NRXN3: variants seen among roughly 807,000 people sequenced by gnomAD.
NRXN3 encodes the protein neurexin 3.
NRXN3 carries 32 observed loss-of-function variants against 137.6 expected under a neutral mutation model. The ratio of observed to expected loss-of-function variants is 0.23; its 90% CI spans 0.18 to 0.31. NRXN3 has a LOEUF of 0.31. NRXN3 is among the 10% of genes least tolerant of loss of function. NRXN3 has a pLI of 1.00. For synonymous variants in NRXN3, 798 were observed against 784.5 expected (o/e 1.02, Z -0.29); for missense variants, 1,574 against 2,062.5 (o/e 0.76, Z 4.59).
chr14:78,298,016 T>G lies in NRXN3; in HGVS notation c.757+156T>G, dbSNP rs1005512123. ...CTGCAGGACCACCCTGCAGTGGGGGTGGGGGCACCTTCCTTGATGCATCGT... is the reference window on the plus strand; with the variant it reads ...CTGCAGGACCACCCTGCAGTGGGGGGGGGGGCACCTTCCTTGATGCATCGT... On this transcript the variant is annotated intron_variant, in intron 4 of 20. Coordinates refer to ENST00000335750, the MANE Select transcript of NRXN3 (RefSeq NM_001330195.2). The G allele has an allele frequency of 1.1e-5, 8 of 739,188 alleles. No individual in the cohort carries two copies. The Admixed American group carries it at 1.7e-4, about 16-fold the overall frequency. 45.8% of individuals were successfully genotyped at this position (739,188 alleles called of 1,614,324 possible).
chr14:79,051,571 C>T (rs1301612185), intron 15 of NRXN3, among the ~76,000 whole-genome samples: 2 of 152,116 alleles, frequency 1.3e-5, no homozygotes, highest in African/African-American at 4.8e-5. Flanking sequence ...CTTGGAGAAA[C>T]ATTTATGCTT....
chr14:79,257,575 T>C (rs1268415171), intron 15 of NRXN3, among the ~76,000 whole-genome samples: 2 of 127,624 alleles, frequency 1.6e-5, no homozygotes, highest in Non-Finnish European at 1.7e-5. Flanking sequence ...GTGGTGGTGG[T>C]GGTGATGGTA....
chr14:79,418,809 G>A (rs1848732528), intron 15 of NRXN3, among the ~76,000 whole-genome samples: 2 of 152,158 alleles, frequency 1.3e-5, no homozygotes, highest in African/African-American at 4.8e-5. Context: ...TAAACAGCAG[G>A]TGACAGTAAA....
chr14:78,713,206 G>A (rs2098417422), intron 7 of NRXN3, among the ~76,000 whole-genome samples: 1 of 152,122 alleles, frequency 6.6e-6, no homozygotes, highest in African/African-American at 2.4e-5. Flanking sequence ...AGCTTGTGGG[G>A]TTTCATCTTC....
intron 16 of NRXN3, among the ~76,000 whole-genome samples, chr14:79,619,287 G>T (rs149648479): frequency 1.3e-5 from 2 of 152,090 alleles, no homozygotes; most frequent in Non-Finnish European, 2.9e-5. Flanking sequence ...CAAGGCCAAC[G>T]TTCTAAATGG....
intron 15 of NRXN3, among the ~76,000 whole-genome samples, chr14:79,414,774 A>G (rs970581378): frequency 1.3e-5 from 2 of 152,112 alleles, no homozygotes; most frequent in African/African-American, 4.8e-5. Flanking sequence ...CATTATCATT[A>G]ACTGTAGTCT....
chr14:78,706,889 G>GGT (rs2098357372), intron 6 of NRXN3, among the ~76,000 whole-genome samples: 1 of 151,986 alleles, frequency 6.6e-6, no homozygotes, highest in Non-Finnish European at 1.5e-5. Flanking sequence ...TGAGAGATGG[G>GGT]AACTAATTCT....
chr14:78,234,083 C>T (rs1466360329), intron 1 of NRXN3, among the ~76,000 whole-genome samples: 1 of 152,198 alleles, frequency 6.6e-6, no homozygotes, highest in Non-Finnish European at 1.5e-5. Context: ...AGTTCCCCTG[C>T]ACAAGGTTTC....
At chr14:78,398,545 G>A (rs551557625) in intron 4 of NRXN3, among the ~76,000 whole-genome samples, 130 of 152,152 alleles carry the variant, frequency 8.5e-4, no homozygotes, top group Admixed American at 1.8e-3. Context: ...GTTGGGCAGA[G>A]TTTGGAGGTC....
At chr14:79,482,451 T>A (rs1480918338) in intron 16 of NRXN3, among the ~76,000 whole-genome samples, 1 of 152,206 alleles carries the variant, frequency 6.6e-6, no homozygotes, top group Non-Finnish European at 1.5e-5. Flanking sequence ...GCTCTCTCGC[T>A]ATCTGGTTCT....
chr14:78,952,321 G>A (rs1258676936), intron 10 of NRXN3, among the ~76,000 whole-genome samples: 2 of 152,084 alleles, frequency 1.3e-5, no homozygotes, highest in African/African-American at 4.8e-5. Context: ...AATCTCTGTT[G>A]GGTTAGACAC....
At chr14:78,666,124 A>G (rs1337302347) in intron 6 of NRXN3, among the ~76,000 whole-genome samples, 1 of 152,194 alleles carries the variant, frequency 6.6e-6, no homozygotes, top group Non-Finnish European at 1.5e-5. Context: ...AAAAACACAT[A>G]TCCCAAAATC....
At chr14:79,542,858 G>GA (rs2097286496) in intron 16 of NRXN3, among the ~76,000 whole-genome samples, 1 of 149,814 alleles carries the variant, frequency 6.7e-6, no homozygotes, top group Non-Finnish European at 1.5e-5. Context: ...AGGCTTCTCT[G>GA]AAAAAAAGTG....
rs1489994765 is a variant in NRXN3, at chr14:79,484,335, G to A, written c.3444+16933G>A. ...CCTGGTTCCTGATCTTAGAGTACAG[G>A]GTGCTTCTTGCCTTCCCCTTGTCAA... On this transcript the variant is annotated intron_variant, in intron 16 of 20. Coordinates refer to ENST00000335750, the MANE Select transcript of NRXN3 (RefSeq NM_001330195.2). Among the ~76,000 whole-genome samples, 5 of 152,120 alleles carry A rather than the reference G, an allele frequency of 3.3e-5. No homozygotes were observed. In the East Asian group the frequency reaches 5.8e-4, roughly 18 times the overall value.
rs369570062 is a variant in NRXN3, at chr14:79,462,244, A to G, written c.3263-4977A>G. ...CAAAATTAGCCAGGTGTGGTGGTGC[A>G]TGCCTGTAATCCCAGCTACTTGGGA... is the stretch of plus-strand genomic sequence containing the variant. On this transcript the variant is annotated intron_variant, in intron 15 of 20. Transcript: ENST00000335750. Among the ~76,000 whole-genome samples the G allele has an allele frequency of 4.8e-4, 73 of 152,058 alleles. No homozygotes were observed. The East Asian group carries it at 0.013, about 26-fold the overall frequency.
At chr14:78,985,620 A>G (rs2099501392) in intron 14 of NRXN3, among the ~76,000 whole-genome samples, 1 of 152,232 alleles carries the variant, frequency 6.6e-6, no homozygotes, top group South Asian at 2.1e-4. Context: ...CAACATTCAA[A>G]GAATTATTGT....
chr14:79,378,378 C>T (rs1164760517), intron 15 of NRXN3, among the ~76,000 whole-genome samples: 1 of 152,142 alleles, frequency 6.6e-6, no homozygotes, highest in Non-Finnish European at 1.5e-5. Flanking sequence ...TAGGGATGAC[C>T]ACCGTGGGAT....
intron 10 of NRXN3, among the ~76,000 whole-genome samples, chr14:78,819,955 A>T (rs1021503022): frequency 6.6e-6 from 1 of 152,094 alleles, no homozygotes; most frequent in Non-Finnish European, 1.5e-5. Context: ...TGCTATTTGC[A>T]TTCCCTCAGT....
chr14:79,361,710 A>G (rs2093687933), intron 15 of NRXN3, among the ~76,000 whole-genome samples: 2 of 152,094 alleles, frequency 1.3e-5, no homozygotes, highest in Non-Finnish European at 2.9e-5. Flanking sequence ...GGCTAAATAG[A>G]ATGAAAAAGG....
Sources: gnomAD v4.1 joint callset for allele counts (sites outside exome capture counted in the v4.1 genomes callset) on GRCh38, gnomAD v4.1.1 for gene constraint, MANE v1.5 for transcripts, NCBI Gene and HGNC (gene_info 2026-07-23, HGNC 2026-07-21) for gene names.